ANXA4: variants seen among roughly 807,000 people sequenced by gnomAD.
The protein encoded by ANXA4 is annexin A4, also known as 35-beta calcimedin.
ANXA4 carries 39 observed loss-of-function variants against 49.8 expected under a neutral mutation model. The observed-to-expected ratio is 0.78, with a 90% confidence interval of 0.61 to 1.02. The LOEUF (loss-of-function observed/expected upper bound fraction) is 1.02, where lower values mean the gene tolerates loss of function less well. ANXA4 is among the 50% of genes least tolerant of loss of function. The pLI, the probability that ANXA4 is intolerant of heterozygous loss-of-function variation, is 0.00. For missense variants in ANXA4, 360 were observed against 410.1 expected, an observed-to-expected ratio of 0.88 and a Z score of 1.05; for synonymous variants, 134 against 152.5, an observed-to-expected ratio of 0.88 and a Z score of 0.89.
At chr2:69,704,439 A>G (rs1413900763) in intron 2 of ANXA4, among the ~76,000 whole-genome samples, 2 of 152,228 alleles carry the variant, frequency 1.3e-5, no homozygotes, top group African/African-American at 4.8e-5. Context: ...CTGTGGGTCA[A>G]CTGGCAGTTT....
chr2:69,786,676 C>A (rs187984818), intron 2 of ANXA4, among the ~76,000 whole-genome samples: 1 of 151,996 alleles, frequency 6.6e-6, no homozygotes, highest in Non-Finnish European at 1.5e-5. Context: ...ATAAGGAACC[C>A]CTTTGTGTAC....
chr2:69,798,275 G>A lies in ANXA4; in HGVS notation c.98-6258G>A, dbSNP rs549606110. Among the ~76,000 whole-genome samples, 237 of 152,288 alleles carry A rather than the reference G, an allele frequency of 1.6e-3. 1 individual carries two copies. Among genetic ancestry groups the A allele is most frequent in the Non-Finnish European group, 1.9e-3 (132 of 68,032 alleles). On this transcript the variant is annotated intron_variant, in intron 3 of 12. Coordinates refer to ENST00000394295, the MANE Select transcript of ANXA4 (RefSeq NM_001153.5). ...CAGCAATCCCTTAACCTGCATTCCT[G>A]GTTACTACGGTGGTTGCTAAACCTG...
At chr2:69,651,362 C>G (rs745940775) in intron 1 of ANXA4, among the ~76,000 whole-genome samples, 2 of 152,202 alleles carry the variant, frequency 1.3e-5, no homozygotes, top group East Asian at 3.9e-4. Flanking sequence ...CAGAGCAAGA[C>G]GTATTTTTGT....
At chr2:69,814,781 TGTGTGTGTGTGTGAGA>T (rs1375901129) in intron 8 of ANXA4, 2,702 of 106,706 alleles carry the variant, frequency 0.025, 96 homozygotes, top group African/African-American at 0.16. Context: ...TGTGTGTGTG[TGTGTGTGTGTGTGAGA>T]GAAAGAGAGA....
At chr2:69,801,512 C>T (rs1162141076) in intron 3 of ANXA4, among the ~76,000 whole-genome samples, 1 of 151,896 alleles carries the variant, frequency 6.6e-6, no homozygotes, top group Non-Finnish European at 1.5e-5. Context: ...TCAAGTGATT[C>T]TCATGCCTCA....
intron 2 of ANXA4, among the ~76,000 whole-genome samples, chr2:69,714,823 G>T (rs1446952234): frequency 1.3e-5 from 2 of 152,188 alleles, no homozygotes; most frequent in African/African-American, 2.4e-5. Flanking sequence ...CTTCCCCGGG[G>T]CTTGTCCACA....
intron 2 of ANXA4, among the ~76,000 whole-genome samples, chr2:69,672,736 A>C (rs1677235925): frequency 6.6e-6 from 1 of 152,144 alleles, no homozygotes; most frequent in Non-Finnish European, 1.5e-5. Context: ...GAGGGAAGTA[A>C]ATGGGTTTGG....
At chr2:69,668,545 T>C (rs987689881) in intron 2 of ANXA4, among the ~76,000 whole-genome samples, 1 of 152,248 alleles carries the variant, frequency 6.6e-6, no homozygotes, top group African/African-American at 2.4e-5. Context: ...CATTTGTGTA[T>C]AGGTAAATAT....
At chr2:69,684,187 A>G (rs983374290) in intron 2 of ANXA4, among the ~76,000 whole-genome samples, 12 of 152,202 alleles carry the variant, frequency 7.9e-5, no homozygotes, top group Non-Finnish European at 1.6e-4. Context: ...ACTACTCTAT[A>G]CCATGCTTCA....
intron 2 of ANXA4, among the ~76,000 whole-genome samples, chr2:69,703,838 G>A (rs1678407210): frequency 6.6e-6 from 1 of 151,862 alleles, no homozygotes; most frequent in Non-Finnish European, 1.5e-5. Context: ...ACTTATTTTA[G>A]TGATGGAGTC....
At chr2:69,788,996 G>T (rs1672554366) in intron 3 of ANXA4, among the ~76,000 whole-genome samples, 2 of 152,110 alleles carry the variant, frequency 1.3e-5, no homozygotes, top group South Asian at 4.1e-4. Context: ...AATAAAGAAT[G>T]ATAAATTTAA....
intron 1 of ANXA4, among the ~76,000 whole-genome samples, chr2:69,645,662 A>T (rs1675982229): frequency 6.6e-6 from 1 of 152,230 alleles, no homozygotes; most frequent in African/African-American, 2.4e-5. Context: ...CAATATGCTT[A>T]AGGTAGCTAA....
intron 2 of ANXA4, among the ~76,000 whole-genome samples, chr2:69,692,183 A>G (rs1677998311): frequency 6.6e-6 from 1 of 152,182 alleles, no homozygotes; most frequent in South Asian, 2.1e-4. Flanking sequence ...CCGCGCCCAG[A>G]CAACTCTTCA....
chr2:69,820,010 G>C lies in ANXA4; in HGVS notation c.783+672G>C, dbSNP rs1674161663. 2.0e-5 allele frequency among the ~76,000 whole-genome samples: 3 copies of C among 151,452 alleles called. No homozygotes were observed. The South Asian group carries it at 6.2e-4, about 31-fold the overall frequency. On this transcript the variant is annotated intron_variant, in intron 11 of 12. Transcript: ENST00000394295. The stretch of plus-strand genomic sequence containing the variant: ...TGGAACCCAGGAGGCAGAGGTTGCA[G>C]TGAGCTGAAATTGCACTACTGCACT...
upstream of ANXA4, among the ~76,000 whole-genome samples, chr2:69,737,545 T>TTTTAA (rs1670276101): frequency 6.6e-6 from 1 of 152,178 alleles, no homozygotes; most frequent in Non-Finnish European, 1.5e-5. Flanking sequence ...GCTATCAGAT[T>TTTTAA]TTTAATTTAA....
At chr2:69,752,092 T>C (rs1031189345) in intron 1 of ANXA4, among the ~76,000 whole-genome samples, 1 of 152,084 alleles carries the variant, frequency 6.6e-6, no homozygotes, top group Non-Finnish European at 1.5e-5. Flanking sequence ...AAGGTTTATA[T>C]TGAGCCAGGG....
At chr2:69,753,128 A>G (rs2105499643) in intron 1 of ANXA4, among the ~76,000 whole-genome samples, 1 of 152,174 alleles carries the variant, frequency 6.6e-6, no homozygotes, top group South Asian at 2.1e-4. Context: ...TACCTGTTCT[A>G]TTTCTCTTAG....
intron 2 of ANXA4, among the ~76,000 whole-genome samples, chr2:69,708,371 C>T (rs186302646): frequency 1.3e-5 from 2 of 152,278 alleles, no homozygotes; most frequent in African/African-American, 2.4e-5. Flanking sequence ...TAGAATTGTT[C>T]GGTCAGTGGT....
At chr2:69,673,850 C>T (rs1052017609) in intron 2 of ANXA4, among the ~76,000 whole-genome samples, 1 of 151,534 alleles carries the variant, frequency 6.6e-6, no homozygotes, top group Admixed American at 6.6e-5. Flanking sequence ...CTGGGAGAAT[C>T]CCCCTGGGAT....
Sources: allele counts gnomAD v4.1 joint callset (sites outside exome capture counted in the v4.1 genomes callset), GRCh38; gene constraint gnomAD v4.1.1; transcripts MANE v1.5; gene names NCBI Gene and HGNC (gene_info 2026-07-23, HGNC 2026-07-21).